Variants in PPFIBP1 observed in about 807,000 individuals in gnomAD.
PPFIBP1 encodes liprin-beta-1.
PPFIBP1 carries 112 observed loss-of-function variants against 137.8 expected under a neutral mutation model. The observed-to-expected ratio is 0.81, with a 90% CI of 0.70 to 0.95. The LOEUF (loss-of-function observed/expected upper bound fraction) is 0.95. Ranked by LOEUF, PPFIBP1 falls within the 40% of genes least tolerant of loss-of-function variation. The pLI, the probability that PPFIBP1 is intolerant of heterozygous loss-of-function variation, is 0.00. For missense variants in PPFIBP1, 1,083 were observed against 1,196.6 expected, an observed-to-expected ratio of 0.91 and a Z score of 1.40; for synonymous variants, 378 against 417.3, an observed-to-expected ratio of 0.91 and a Z score of 1.15.
intron 10 of PPFIBP1, among the ~76,000 whole-genome samples, chr12:27,660,513 A>G (rs1327567639): frequency 6.6e-6 from 1 of 152,196 alleles, no homozygotes; most frequent in Non-Finnish European, 1.5e-5. Flanking sequence ...TATATATACC[A>G]TTCATGGCTT....
At chr12:27,536,509 T>C (rs1036707857) in intron 1 of PPFIBP1, among the ~76,000 whole-genome samples, 1 of 151,914 alleles carries the variant, frequency 6.6e-6, no homozygotes, top group African/African-American at 2.4e-5. Flanking sequence ...CCCAGACTCT[T>C]AAACAACCAG....
At chr12:27,691,356 C>T (rs186486402) in intron 27 of PPFIBP1, among the ~76,000 whole-genome samples, 41 of 151,782 alleles carry the variant, frequency 2.7e-4, no homozygotes, top group Middle Eastern at 3.4e-3. Flanking sequence ...CAGGAGGATC[C>T]CTTGAGCCCA....
At chr12:27,618,025 G>A (rs965673668) in intron 2 of PPFIBP1, among the ~76,000 whole-genome samples, 18 of 152,200 alleles carry the variant, frequency 1.2e-4, no homozygotes, top group African/African-American at 3.6e-4. Flanking sequence ...TGAAAGTTAC[G>A]GGTTGTCAGA....
intron 1 of PPFIBP1, among the ~76,000 whole-genome samples, chr12:27,574,880 C>T (rs1263851526): frequency 6.6e-6 from 1 of 152,096 alleles, no homozygotes. Context: ...ATTAAATGAA[C>T]AGATTTGTTG....
intron 13 of PPFIBP1, among the ~76,000 whole-genome samples, chr12:27,670,732 T>TC (rs1384344922): frequency 6.6e-6 from 1 of 151,312 alleles, no homozygotes; most frequent in East Asian, 1.9e-4. Flanking sequence ...TGAGCCATGA[T>TC]CGCAGCACTG....
At chr12:27,645,586 G>A (rs945165263) in intron 4 of PPFIBP1, among the ~76,000 whole-genome samples, 1 of 152,150 alleles carries the variant, frequency 6.6e-6, no homozygotes, top group Non-Finnish European at 1.5e-5. Context: ...ATACAAAGAA[G>A]CAAACTCACA....
At chr12:27,546,674 T>C (rs1946267917) in intron 1 of PPFIBP1, among the ~76,000 whole-genome samples, 1 of 152,190 alleles carries the variant, frequency 6.6e-6, no homozygotes, top group African/African-American at 2.4e-5. Flanking sequence ...TACAAAGTCA[T>C]CATTCATCTA....
At chr12:27,567,210 C>T (rs965034655) in intron 1 of PPFIBP1, among the ~76,000 whole-genome samples, 5 of 152,148 alleles carry the variant, frequency 3.3e-5, no homozygotes, top group Admixed American at 3.3e-4. Flanking sequence ...AACTCAGGTT[C>T]TTCAGTGAAT....
intron 27 of PPFIBP1, among the ~76,000 whole-genome samples, chr12:27,689,473 C>A (rs2061392213): frequency 6.6e-6 from 1 of 152,012 alleles, no homozygotes; most frequent in Non-Finnish European, 1.5e-5. Context: ...AGGGGCTGAT[C>A]CTGCAGGGAA....
chr12:27,638,504 C>G (rs1355143419), intron 4 of PPFIBP1, among the ~76,000 whole-genome samples: 1 of 96,596 alleles, frequency 1.0e-5, no homozygotes, highest in Non-Finnish European at 2.3e-5. Flanking sequence ...TCTTGGTTTT[C>G]TGGTCTGTAA....
At chr12:27,545,368 G>C (rs1946124113) in intron 1 of PPFIBP1, among the ~76,000 whole-genome samples, 1 of 152,070 alleles carries the variant, frequency 6.6e-6, no homozygotes, top group Non-Finnish European at 1.5e-5. Flanking sequence ...GTGTATCCCA[G>C]AACTTAAGTA....
At chr12:27,677,021 A>G (rs200568038) in intron 18 of PPFIBP1, 43 bp from the exon 19 acceptor site, 2 of 1,614,040 alleles carry the variant, frequency 1.2e-6, no homozygotes, top group East Asian at 2.2e-5. Context: ...TGTTCTCTCC[A>G]TTGGGCTGCG....
intron 13 of PPFIBP1, among the ~76,000 whole-genome samples, chr12:27,669,732 C>T (rs568955249): frequency 2.6e-5 from 4 of 152,298 alleles, no homozygotes; most frequent in Non-Finnish European, 5.9e-5. Flanking sequence ...GTTAAATAAT[C>T]TGCTACTTTA....
chr12:27,582,564 TG>T (rs1429220735), intron 2 of PPFIBP1, among the ~76,000 whole-genome samples: 2 of 152,206 alleles, frequency 1.3e-5, no homozygotes, highest in African/African-American at 2.4e-5. Context: ...GCTGTATGCA[TG>T]GTAATCAAAG....
intron 2 of PPFIBP1, among the ~76,000 whole-genome samples, chr12:27,609,726 C>G (rs1400699640): frequency 3.3e-5 from 5 of 152,114 alleles, no homozygotes; most frequent in Admixed American, 2.0e-4. Flanking sequence ...ACATTTTCAG[C>G]CTCATTTGCA....
chr12:27,528,237 C>T (rs892466091), intron 1 of PPFIBP1, among the ~76,000 whole-genome samples: 1 of 151,924 alleles, frequency 6.6e-6, no homozygotes, highest in Non-Finnish European at 1.5e-5. Context: ...GAGTGAGCCA[C>T]CACGCCTGGT....
rs563454843 is a variant in PPFIBP1, at chr12:27,596,405, G to C, written c.-36+18166G>C. Among the ~76,000 whole-genome samples, 49 of 152,318 alleles carry C rather than the reference G, an allele frequency of 3.2e-4. No homozygotes were observed. In the South Asian group the frequency reaches 7.7e-3, roughly 24 times the overall value. On this transcript the variant is annotated intron_variant, in intron 2 of 29. Transcript: ENST00000228425. ...TCTACTACCCAATAGATGCAGCCTGGCAGGTACCCACAGACTGCCCACAAC... is the reference window on the plus strand; with the variant it reads ...TCTACTACCCAATAGATGCAGCCTGCCAGGTACCCACAGACTGCCCACAAC...
At chr12:27,583,021 G>A (rs889875245) in intron 2 of PPFIBP1, among the ~76,000 whole-genome samples, 2 of 152,134 alleles carry the variant, frequency 1.3e-5, no homozygotes, top group African/African-American at 4.8e-5. Context: ...ACATAGTTAG[G>A]CTATTTGGTA....
intron 14 of PPFIBP1, 47 bp downstream of exon 14, chr12:27,671,593 T>A: frequency 1.6e-6 from 2 of 1,238,634 alleles, no homozygotes; most frequent in Non-Finnish European, 2.3e-6. Flanking sequence ...AAAAAGTAGA[T>A]CAGCCAAAGA....
Sources: allele counts gnomAD v4.1 joint callset (sites outside exome capture counted in the v4.1 genomes callset), GRCh38; gene constraint gnomAD v4.1.1; transcripts MANE v1.5; gene names NCBI Gene and HGNC (gene_info 2026-07-23, HGNC 2026-07-21).